Variants in AGGF1 observed in about 807,000 individuals in gnomAD.
AGGF1 encodes angiogenic factor with G-patch and FHA domains 1, also known as angiogenic factor with G patch and FHA domains 1.
Under a neutral mutation model 86.5 loss-of-function variants are expected in AGGF1, and 56 were observed. That is an observed-to-expected ratio of 0.65 (90% CI 0.52 to 0.81). The LOEUF (loss-of-function observed/expected upper bound fraction) is 0.81, where lower values mean the gene tolerates loss of function less well. Among genes scored for constraint, AGGF1 ranks in the 30% least tolerant of loss-of-function variants. The pLI is 0.00. For synonymous variants in AGGF1, 313 were observed against 297.1 expected (o/e 1.05, Z -0.55); for missense variants, 816 against 850.9 (o/e 0.96, Z 0.51).
rs545271764 is a variant in AGGF1 at position 77,039,425 on chromosome 5, A to G, written c.682-106A>G. On this transcript the variant is annotated intron_variant, in intron 4 of 13. Coordinates refer to ENST00000312916, the MANE Select transcript of AGGF1 (RefSeq NM_018046.5). ...TAATTCATTGTCTTCTGAAAATACT[A>G]TAGTTGTTCAAAGAAATATTTACCA... 87 of 861,904 alleles carry G rather than the reference A, an allele frequency of 1.0e-4. No individual in the cohort carries two copies. The African/African-American group carries it at 1.3e-3, about 13-fold the overall frequency. The allele number at this position is 861,904 out of a possible 1,614,324, so 53.4% of individuals were successfully genotyped here. A position where few individuals can be genotyped will look rare whatever the true frequency, so the allele number is the denominator to read the frequency against.
chr5:77,059,958 C>T (rs1747525845), intron 12 of AGGF1, among the ~76,000 whole-genome samples: 1 of 152,208 alleles, frequency 6.6e-6, no homozygotes, highest in African/African-American at 2.4e-5. Context: ...TCTCCTGCCT[C>T]AGCCTCCTGA....
Position 77,042,765 on chromosome 5 carries a change from A to AC in AGGF1, c.870+3054dup, listed in dbSNP as rs1178794125. On this transcript the variant is annotated intron_variant, in intron 5 of 13. Coordinates refer to ENST00000312916, the MANE Select transcript of AGGF1 (RefSeq NM_018046.5). ...GGCGGCTGGCCGGGCAGGGGGGCTG[A>AC]CCCCCCCCACCTCCCTCCCGGACGG... is the stretch of plus-strand genomic sequence containing the variant. Among the ~76,000 whole-genome samples the AC allele has an allele frequency of 5.0e-3, 86 of 17,254 alleles. 12 individuals carry two copies. The highest frequency in any genetic ancestry group is 0.012 in the Admixed American group (17 of 1,396). 11.3% of individuals were successfully genotyped at this position (17,254 alleles called of 152,430 possible).
At chr5:77,038,593 A>G (rs1747005888) in intron 4 of AGGF1, among the ~76,000 whole-genome samples, 1 of 152,188 alleles carries the variant, frequency 6.6e-6, no homozygotes. Flanking sequence ...TAGTTAAGAG[A>G]AAGATGGTGA....
chr5:77,056,919 A>G (rs1268645040), intron 11 of AGGF1, among the ~76,000 whole-genome samples: 1 of 152,216 alleles, frequency 6.6e-6, no homozygotes, highest in Non-Finnish European at 1.5e-5. Flanking sequence ...TAATAATAAG[A>G]AAACAACTCA....
At chr5:77,044,535 C>G (rs569668187) in intron 5 of AGGF1, among the ~76,000 whole-genome samples, 1 of 152,124 alleles carries the variant, frequency 6.6e-6, no homozygotes, top group South Asian at 2.1e-4. Context: ...GCCCTCCTTT[C>G]TTTTCACTTA....
chr5:77,052,855 G>T (rs1354629281), intron 9 of AGGF1, 48 bp downstream of exon 9: 2 of 1,451,372 alleles, frequency 1.4e-6, no homozygotes, highest in South Asian at 2.3e-5. Context: ...TTTTTAAACT[G>T]ATTTTTTTTT....
rs1175578014 is a variant in AGGF1, at chr5:77,042,622, C to T, written c.870+2903C>T. 8.2e-5 allele frequency among the ~76,000 whole-genome samples: 4 copies of T among 48,650 alleles called. 1 individual carries two copies. The highest frequency in any genetic ancestry group is 1.9e-4 in the Non-Finnish European group (4 of 20,956). The allele number at this position is 48,650 out of a possible 152,430, so 31.9% of individuals were successfully genotyped here. ...CCTCCCTCCCGGACGTGGCGGCTGG[C>T]CGGGCGGGGGGCTGACCCCCCCACC... On this transcript the variant is annotated intron_variant, in intron 5 of 13. Coordinates refer to ENST00000312916, the MANE Select transcript of AGGF1 (RefSeq NM_018046.5).
chr5:77,059,918 T>C (rs1279307694), intron 12 of AGGF1, among the ~76,000 whole-genome samples, 175 bp downstream of exon 12: 2 of 152,152 alleles, frequency 1.3e-5, no homozygotes, highest in African/African-American at 4.8e-5. Flanking sequence ...CTCGGCTCAC[T>C]GCAACCTCCA....
At chr5:77,059,227 A>G (rs578198761) in intron 11 of AGGF1, among the ~76,000 whole-genome samples, 3 of 152,342 alleles carry the variant, frequency 2.0e-5, no homozygotes, top group African/African-American at 4.8e-5. Flanking sequence ...TATTTTCACC[A>G]TGTCATCTTC....
At position 77,035,945 on chromosome 5, in the gene AGGF1, C is replaced by T. The variant is rs528516527; in HGVS notation, c.516+202C>T. 14 of 548,534 alleles carry T rather than the reference C, an allele frequency of 2.6e-5. No homozygotes were observed. The East Asian group carries it at 4.6e-4, about 18-fold the overall frequency. 34.0% of individuals were successfully genotyped at this position (548,534 alleles called of 1,614,324 possible). A position where few individuals can be genotyped will look rare whatever the true frequency, so the allele number is the denominator to read the frequency against. On this transcript the variant is annotated intron_variant, in intron 3 of 13. Transcript: ENST00000312916. ...CTTCATATATGTAGTGGTTTTCCTA[C>T]TACATTGTGTTCCAAAATTTTGTGA...
intron 1 of AGGF1, 78 bp from the exon 2 acceptor site, chr5:77,034,340 T>A (rs1746924284): frequency 1.1e-6 from 1 of 884,600 alleles, no homozygotes; most frequent in Non-Finnish European, 1.9e-6. Context: ...AACAATTATT[T>A]GTAACGGTAG....
At position 77,030,791 on chromosome 5, in the gene AGGF1, C is replaced by T. The variant is rs1464950524; in HGVS notation, c.25C>T (p.Pro9Ser). The stretch of plus-strand genomic sequence containing the variant: ...CATGGCCTCGGAGGCGCCGTCCCCG[C>T]CGCGGTCGCCGCCGCCGCCCACCTC... MASEAPSPPRSPPPPTSPE... is the reference protein window; with the variant it reads MASEAPSPSRSPPPPTSPE... The change falls in exon 1 of 14, where the codon CCG (proline) becomes TCG (serine). Residue 9 changes from proline (P) to serine (S), a missense_variant. Physicochemically the swap from Pro to Ser is moderately conservative, Grantham distance 74. This residue lies in a region of AGGF1 where 240 missense variants were observed against 234.4 expected (regional missense o/e 1.02). Transcript: ENST00000312916. 2 of 1,590,658 alleles carry T rather than the reference C, an allele frequency of 1.3e-6. No individual in the cohort carries two copies. The highest frequency in any genetic ancestry group is 2.7e-5 in the African/African-American group (2 of 74,574).
At chr5:77,062,456 T>C (rs1326638581) in intron 13 of AGGF1, among the ~76,000 whole-genome samples, 1 of 152,188 alleles carries the variant, frequency 6.6e-6, no homozygotes, top group Admixed American at 6.5e-5. Context: ...GCTCTATCAT[T>C]TACTAGCTAT....
At chr5:77,039,009 C>T (rs905497624) in intron 4 of AGGF1, among the ~76,000 whole-genome samples, 2 of 152,000 alleles carry the variant, frequency 1.3e-5, no homozygotes, top group African/African-American at 4.8e-5. Flanking sequence ...ACTTTATTTT[C>T]AAAATTTTCT....
intron 5 of AGGF1, among the ~76,000 whole-genome samples, chr5:77,044,934 G>T (rs917689379): frequency 6.6e-6 from 1 of 151,934 alleles, no homozygotes; most frequent in Non-Finnish European, 1.5e-5. Flanking sequence ...ATGGTGGTGC[G>T]CATGCCTGTA....
Position 77,030,899 on chromosome 5 carries a change from G to C in AGGF1, c.133G>C (p.Glu45Gln). 6.2e-7 allele frequency: 1 copy of C among 1,613,418 alleles called. No individual in the cohort carries two copies. Among genetic ancestry groups the C allele is most frequent in the Non-Finnish European group, 8.5e-7 (1 of 1,180,006 alleles). Reference sequence around the variant, plus strand: ...GCGGAGCTGCAAGCGGCAGGTGCGGGAGATCGAGAAGCTGCTGCATCACAC... The same window carrying C: ...GCGGAGCTGCAAGCGGCAGGTGCGGCAGATCGAGAAGCTGCTGCATCACAC... ...ELRSCKRQVREIEKLLHHTER... is the reference protein window; with the variant it reads ...ELRSCKRQVRQIEKLLHHTER... The change falls in exon 1 of 14, where the codon GAG (glutamate) becomes CAG (glutamine). Residue 45 changes from glutamate (E) to glutamine (Q), a missense_variant. Glu to Gln is a conservative substitution (Grantham distance 29). Around this residue, in one of 3 missense-constraint regions of AGGF1, gnomAD observed 240 missense variants for 234.4 expected, o/e 1.02. Coordinates refer to ENST00000312916, the MANE Select transcript of AGGF1 (RefSeq NM_018046.5).
At chr5:77,055,039 T>C (rs1198799036) in intron 10 of AGGF1, among the ~76,000 whole-genome samples, 1 of 152,198 alleles carries the variant, frequency 6.6e-6, no homozygotes, top group Non-Finnish European at 1.5e-5. Flanking sequence ...AGGTCATCTT[T>C]TTTGACATAA....
intron 1 of AGGF1, 80 bp from the exon 2 acceptor site, chr5:77,034,338 T>C (rs1157902183): frequency 1.1e-5 from 10 of 876,478 alleles, no homozygotes; most frequent in East Asian, 2.5e-5. Context: ...AAAACAATTA[T>C]TTGTAACGGT....
Position 77,030,493 on chromosome 5 carries a change from C to G in AGGF1, c.-274C>G. The G allele has an allele frequency of 1.6e-6, 1 of 643,464 alleles. No individual in the cohort carries two copies. Among genetic ancestry groups the G allele is most frequent in the East Asian group, 3.1e-5 (1 of 31,860 alleles). The allele number at this position is 643,464 out of a possible 1,614,324, so 39.9% of individuals were successfully genotyped here. ...TTATCCGACGCTCCTCCCTCTGTCT[C>G]TGTAGCTGGAGAAGGTAGTTTCCAG... On this transcript the variant is annotated 5_prime_UTR_variant, in exon 1 of 14. Coordinates refer to ENST00000312916, the MANE Select transcript of AGGF1 (RefSeq NM_018046.5).
Sources: gnomAD v4.1 joint callset for allele counts (sites outside exome capture counted in the v4.1 genomes callset) on GRCh38, gnomAD v4.1.1 for gene constraint, gnomAD v4.1.1 regional missense constraint, MANE v1.5 for transcripts, NCBI Gene and HGNC (gene_info 2026-07-23, HGNC 2026-07-21) for gene names.